NDST4: variants seen among roughly 807,000 people sequenced by gnomAD.
NDST4 encodes N-heparan sulfate sulfotransferase 4.
A neutral mutation model predicts 100.8 loss-of-function variants in NDST4; 63 were observed. The observed-to-expected ratio is 0.62, with a 90% CI of 0.51 to 0.77. The LOEUF is 0.77. Among genes scored for constraint, NDST4 ranks in the 30% least tolerant of loss-of-function variants. The pLI is 0.00. For missense variants in NDST4, 943 were observed against 1,018.4 expected, an observed-to-expected ratio of 0.93 and a Z score of 1.01; for synonymous variants, 377 against 361.8, an observed-to-expected ratio of 1.04 and a Z score of -0.48.
At chr4:115,027,606 A>G (rs1297495391) in intron 2 of NDST4, among the ~76,000 whole-genome samples, 1 of 152,140 alleles carries the variant, frequency 6.6e-6, no homozygotes, top group African/African-American at 2.4e-5. Context: ...TAACACAGAT[A>G]CAAATTTTGT....
chr4:114,872,250 C>G (rs1724164316), intron 6 of NDST4, among the ~76,000 whole-genome samples: 1 of 151,846 alleles, frequency 6.6e-6, no homozygotes, highest in South Asian at 2.1e-4. Context: ...ATAATAGAAG[C>G]ATTATCTTGT....
Position 114,845,803 on chromosome 4 carries a change from G to A in NDST4, c.2115+20C>T, listed in dbSNP as rs59091642. The stretch of plus-strand genomic sequence containing the variant: ...AAGCTATAACAAAATGCTTTTAGCC[G>A]ATTTTTTTACTGACCATACCTGGTA... On this transcript the variant is annotated intron_variant, in intron 10 of 13. Transcript: ENST00000264363. 11,435 of 1,581,186 alleles carry A rather than the reference G, an allele frequency of 7.2e-3. 603 individuals carry two copies. The African/African-American group carries it at 0.13, about 18-fold the overall frequency.
chr4:114,909,071 C>G (rs541196516), intron 6 of NDST4, among the ~76,000 whole-genome samples: 4 of 152,224 alleles, frequency 2.6e-5, no homozygotes, highest in Admixed American at 2.6e-4. Flanking sequence ...TTAATTAAAA[C>G]AGTATGGTGA....
chr4:115,086,319 C>T (rs1003580795), intron 1 of NDST4, among the ~76,000 whole-genome samples: 1 of 151,948 alleles, frequency 6.6e-6, no homozygotes, highest in Non-Finnish European at 1.5e-5. Flanking sequence ...AATAGAGGTA[C>T]AAAGTAATGA....
chr4:115,003,227 C>T lies in NDST4; in HGVS notation c.979-25953G>A, dbSNP rs190545531. Among the ~76,000 whole-genome samples, 3 of 152,108 alleles carry T rather than the reference C, an allele frequency of 2.0e-5. No homozygotes were observed. In the East Asian group the frequency reaches 5.8e-4, roughly 29 times the overall value. ...AAACCTGCACGTTCTGCATATGTAT[C>T]CCAGAACTTAAAGTTAAAAAGAAGA... On this transcript the variant is annotated intron_variant, in intron 2 of 13. Transcript: ENST00000264363.
chr4:115,056,078 G>T (rs561647711), intron 2 of NDST4, among the ~76,000 whole-genome samples: 1 of 152,178 alleles, frequency 6.6e-6, no homozygotes, highest in South Asian at 2.1e-4. Flanking sequence ...TAGGCCAGGC[G>T]CAGTGGCTCA....
At chr4:115,065,014 T>G (rs1395525490) in intron 2 of NDST4, among the ~76,000 whole-genome samples, 2 of 152,126 alleles carry the variant, frequency 1.3e-5, no homozygotes, top group African/African-American at 4.8e-5. Flanking sequence ...TTTACCTCTG[T>G]CTGATTCTAT....
intron 8 of NDST4, among the ~76,000 whole-genome samples, chr4:114,850,514 T>C (rs1363943341): frequency 1.3e-5 from 2 of 152,164 alleles, no homozygotes; most frequent in Non-Finnish European, 2.9e-5. Context: ...TCACCTAAAT[T>C]TTTCATCTAT....
At chr4:114,965,502 C>CT (rs1161431842) in intron 4 of NDST4, among the ~76,000 whole-genome samples, 2 of 151,918 alleles carry the variant, frequency 1.3e-5, no homozygotes, top group Admixed American at 1.3e-4. Flanking sequence ...ATATGTGTAG[C>CT]TTTTTAAAAT....
chr4:114,982,590 T>C (rs1254060239), intron 2 of NDST4, among the ~76,000 whole-genome samples: 1 of 152,120 alleles, frequency 6.6e-6, no homozygotes, highest in Non-Finnish European at 1.5e-5. Context: ...AAATGGGAAC[T>C]TATATTTAAA....
Position 114,848,334 on chromosome 4 carries a change from T to C in NDST4, c.1821A>G (p.Thr607=), listed in dbSNP as rs1205481572. Residue 607 remains threonine, a synonymous_variant, in exon 9 of 14, where the codon ACA becomes ACG. Transcript: ENST00000264363. ...TAAGAAGAAATAAATAAAGTGCAGT[T>C]GTTCCTGTTACAAAAAAAGAAAGTA... ...FLVIGPQKTG[T]TALYLFLLMH... The C allele has an allele frequency of 1.9e-6, 3 of 1,580,630 alleles. No homozygotes were observed. In the South Asian group the frequency reaches 3.5e-5, roughly 18 times the overall value.
chr4:115,045,718 A>G (rs1339719915), intron 2 of NDST4, among the ~76,000 whole-genome samples: 2 of 152,126 alleles, frequency 1.3e-5, no homozygotes, highest in Non-Finnish European at 2.9e-5. Context: ...TTCCCTTTCT[A>G]CAGTACTTTT....
chr4:114,876,029 C>T (rs185094642), intron 6 of NDST4, among the ~76,000 whole-genome samples: 29 of 152,224 alleles, frequency 1.9e-4, no homozygotes, highest in African/African-American at 6.7e-4. Context: ...CTTACAGTGC[C>T]TTTAAAAGTC....
intron 2 of NDST4, among the ~76,000 whole-genome samples, chr4:115,031,939 G>A (rs1728125289): frequency 1.3e-5 from 2 of 152,118 alleles, no homozygotes; most frequent in African/African-American, 4.8e-5. Flanking sequence ...TGTTTACTGT[G>A]GCTAGAGGTT....
intron 2 of NDST4, among the ~76,000 whole-genome samples, chr4:115,064,376 T>G (rs1381422553): frequency 6.6e-6 from 1 of 152,024 alleles, no homozygotes; most frequent in Admixed American, 6.6e-5. Flanking sequence ...TTTAATTTCC[T>G]TGTTGTCTTG....
intron 2 of NDST4, among the ~76,000 whole-genome samples, chr4:114,996,769 T>C (rs1228641190): frequency 2.0e-5 from 3 of 152,152 alleles, no homozygotes; most frequent in Non-Finnish European, 4.4e-5. Flanking sequence ...CTAGTTTAAA[T>C]TGAGAACTCA....
At chr4:115,038,724 C>T (rs956699373) in intron 2 of NDST4, among the ~76,000 whole-genome samples, 2 of 152,136 alleles carry the variant, frequency 1.3e-5, no homozygotes, top group Admixed American at 1.3e-4. Context: ...CACCCATAAT[C>T]CCAACACTTT....
intron 6 of NDST4, among the ~76,000 whole-genome samples, chr4:114,924,871 G>A (rs1725357906): frequency 6.6e-6 from 1 of 151,918 alleles, no homozygotes; most frequent in Admixed American, 6.6e-5. Flanking sequence ...GAAAAGACAA[G>A]TATTTATGGT....
intron 11 of NDST4, among the ~76,000 whole-genome samples, chr4:114,835,994 C>A (rs886241424): frequency 2.0e-5 from 3 of 152,250 alleles, no homozygotes; most frequent in Non-Finnish European, 4.4e-5. Flanking sequence ...TTATTTTGAG[C>A]CTATGTGCGT....
Sources: gnomAD v4.1 joint callset for allele counts (sites outside exome capture counted in the v4.1 genomes callset) on GRCh38, gnomAD v4.1.1 for gene constraint, MANE v1.5 for transcripts, NCBI Gene and HGNC (gene_info 2026-07-23, HGNC 2026-07-21) for gene names.